The following TNFRSF19 variants were observed in gnomAD, a reference collection of about 807,000 sequenced individuals.
The protein encoded by TNFRSF19 is tumor necrosis factor receptor superfamily member 19.
Under a neutral mutation model 46.4 loss-of-function variants are expected in TNFRSF19, and 27 were observed. The ratio of observed to expected loss-of-function variants is 0.58; its 90% CI spans 0.43 to 0.80. The LOEUF (loss-of-function observed/expected upper bound fraction) is 0.80, where lower values mean the gene tolerates loss of function less well. Ranked by LOEUF, TNFRSF19 falls within the 30% of genes least tolerant of loss-of-function variation. The probability of loss-of-function intolerance (pLI) is 0.00; values close to 1 mark genes in which losing one functional copy is unlikely to be tolerated. For missense variants in TNFRSF19, 511 were observed against 530.8 expected, an observed-to-expected ratio of 0.96 and a Z score of 0.37; for synonymous variants, 204 against 205.0, an observed-to-expected ratio of 1.00 and a Z score of 0.04.
intron 5 of TNFRSF19, among the ~76,000 whole-genome samples, chr13:23,641,049 C>T (rs1429199775): frequency 6.6e-6 from 1 of 152,168 alleles, no homozygotes; most frequent in Non-Finnish European, 1.5e-5. Context: ...TGTTTTAGTT[C>T]GTTTAATAAA....
intron 1 of TNFRSF19, among the ~76,000 whole-genome samples, chr13:23,571,967 C>A (rs1877662537): frequency 1.3e-5 from 2 of 151,538 alleles, no homozygotes; most frequent in Admixed American, 6.6e-5. Context: ...CATAAAGAAA[C>A]CATAAGTGAT....
At chr13:23,575,528 T>C (rs1428355381) in intron 1 of TNFRSF19, among the ~76,000 whole-genome samples, 2 of 152,186 alleles carry the variant, frequency 1.3e-5, no homozygotes, top group Non-Finnish European at 2.9e-5. Context: ...TAATTGGCAG[T>C]AGTGGGTATC....
intron 1 of TNFRSF19, among the ~76,000 whole-genome samples, chr13:23,589,817 A>C (rs924247596): frequency 6.6e-6 from 1 of 152,196 alleles, no homozygotes; most frequent in Admixed American, 6.5e-5. Flanking sequence ...TATAGTCACT[A>C]TTTGAATAGA....
At chr13:23,587,248 T>C (rs1224338632) in intron 1 of TNFRSF19, among the ~76,000 whole-genome samples, 2 of 152,228 alleles carry the variant, frequency 1.3e-5, no homozygotes, top group Non-Finnish European at 2.9e-5. Context: ...ACTTAAACGC[T>C]TAAGCTATTT....
intron 4 of TNFRSF19, among the ~76,000 whole-genome samples, chr13:23,616,870 T>C (rs541836244): frequency 7.2e-5 from 11 of 152,278 alleles, no homozygotes; most frequent in Non-Finnish European, 1.5e-4. Context: ...TGAGCCACCA[T>C]GCCCGGCTTC....
chr13:23,622,016 G>T (rs375311841), intron 4 of TNFRSF19, among the ~76,000 whole-genome samples: 8 of 152,150 alleles, frequency 5.3e-5, no homozygotes, highest in African/African-American at 1.9e-4. Context: ...TCAGAGCTAG[G>T]TCTGAGCATC....
At chr13:23,588,489 AGACTAATTGCTCGAATATG>A (rs1226307428) in intron 1 of TNFRSF19, among the ~76,000 whole-genome samples, 1 of 152,222 alleles carries the variant, frequency 6.6e-6, no homozygotes, top group Non-Finnish European at 1.5e-5. Flanking sequence ...GATTCTATCC[AGACTAATTGCTCGAATATG>A]GTATGTACTG....
At chr13:23,663,709 G>A (rs529996477) in intron 7 of TNFRSF19, among the ~76,000 whole-genome samples, 1 of 152,166 alleles carries the variant, frequency 6.6e-6, no homozygotes, top group South Asian at 2.1e-4. Flanking sequence ...TCTGTTCAGG[G>A]AATCGATTTC....
intron 7 of TNFRSF19, among the ~76,000 whole-genome samples, chr13:23,663,046 A>G (rs565932356): frequency 6.9e-4 from 105 of 152,228 alleles, no homozygotes; most frequent in African/African-American, 2.5e-3. Flanking sequence ...AGGATTTCCC[A>G]TACTGTGTTG....
chr13:23,627,008 T>G (rs900355796), intron 5 of TNFRSF19, among the ~76,000 whole-genome samples: 2 of 152,056 alleles, frequency 1.3e-5, no homozygotes, highest in East Asian at 3.9e-4. Context: ...AATCTCAGAG[T>G]GGAGTGCAGA....
intron 5 of TNFRSF19, among the ~76,000 whole-genome samples, chr13:23,637,617 G>A (rs539812945): frequency 6.6e-6 from 1 of 152,322 alleles, no homozygotes; most frequent in East Asian, 1.9e-4. Flanking sequence ...TTTCTTTTCA[G>A]TCTAGACTCA....
At chr13:23,608,932 C>T (rs184872206) in intron 3 of TNFRSF19, among the ~76,000 whole-genome samples, 24 of 152,302 alleles carry the variant, frequency 1.6e-4, no homozygotes, top group African/African-American at 5.8e-4. Context: ...CACCAGTTCC[C>T]GACCCATCTG....
chr13:23,581,127 CTTTTCT>C (rs1341319101), intron 1 of TNFRSF19, among the ~76,000 whole-genome samples: 1 of 123,246 alleles, frequency 8.1e-6, no homozygotes, highest in African/African-American at 2.9e-5. Flanking sequence ...TTCTTTTTTT[CTTTTCT>C]TTTTTTTTTT....
intron 3 of TNFRSF19, among the ~76,000 whole-genome samples, chr13:23,603,254 C>T (rs1384517492): frequency 1.3e-5 from 2 of 151,948 alleles, no homozygotes; most frequent in African/African-American, 2.4e-5. Flanking sequence ...CCTTGAAAGA[C>T]GCAGTCTGAC....
rs146263697 is a variant in TNFRSF19 at position 23,668,912 on chromosome 13, G to C, written c.1060G>C (p.Asp354His). 3.7e-6 allele frequency: 6 copies of C among 1,614,252 alleles called. No homozygotes were observed. The highest frequency in any genetic ancestry group is 5.1e-6 in the Non-Finnish European group (6 of 1,180,054). The change falls in exon 9 of 10, where the codon GAT becomes CAT. Residue 354 changes from aspartate to histidine, a missense_variant. By Grantham distance (81) the Asp-to-His change is moderately conservative. This residue lies in a region of TNFRSF19 where 376 missense variants were observed against 372.7 expected (regional missense o/e 1.01). Coordinates refer to ENST00000248484, the MANE Select transcript of TNFRSF19 (RefSeq NM_148957.4). ...GTCTTTGGATTCAAATAGCAGTCAA[G>C]ATTTGGTTGGTGGGGCTGTTCCAGT... ...STSLDSNSSQ[D>H]LVGGAVPVQS... is the part of the protein sequence containing the mutation.
chr13:23,596,964 A>G (rs1879776406), intron 3 of TNFRSF19, among the ~76,000 whole-genome samples: 1 of 152,238 alleles, frequency 6.6e-6, no homozygotes, highest in Non-Finnish European at 1.5e-5. Flanking sequence ...CCGCACAACT[A>G]CATGGAAACT....
At chr13:23,610,433 C>A (rs1880815824) in intron 3 of TNFRSF19, among the ~76,000 whole-genome samples, 1 of 152,098 alleles carries the variant, frequency 6.6e-6, no homozygotes, top group African/African-American at 2.4e-5. Flanking sequence ...TGGAAGTAGC[C>A]CAGCTGAACC....
At chr13:23,617,477 G>T (rs935166539) in intron 4 of TNFRSF19, among the ~76,000 whole-genome samples, 1 of 152,162 alleles carries the variant, frequency 6.6e-6, no homozygotes, top group Admixed American at 6.5e-5. Flanking sequence ...GACAAGGGGG[G>T]TGATCTGTAA....
rs781672570 is a variant in TNFRSF19, at chr13:23,594,205, G to A, written c.180+750G>A. On this transcript the variant is annotated intron_variant, in intron 3 of 9. Transcript: ENST00000248484. ...TGGGCAGACACTGAGCTAGCTGCAG[G>A]AGTTTTTTTTTCATACCCTAGTGGC... The A allele has an allele frequency of 1.1e-3, 494 of 451,484 alleles. 3 individuals carry two copies. The highest frequency in any genetic ancestry group is 3.4e-3 in the Middle Eastern group (5 of 1,452). The allele number at this position is 451,484 out of a possible 1,614,324, so 28.0% of individuals were successfully genotyped here.
Sources: allele counts gnomAD v4.1 joint callset (sites outside exome capture counted in the v4.1 genomes callset), GRCh38; gene constraint gnomAD v4.1.1; regional missense constraint gnomAD v4.1.1; transcripts MANE v1.5; gene names NCBI Gene and HGNC (gene_info 2026-07-23, HGNC 2026-07-21).